The following TNS3 variants were observed in gnomAD, a reference collection of about 807,000 sequenced individuals.
The protein encoded by TNS3 is tensin 3.
In TNS3, 45 loss-of-function variants were observed where a neutral mutation model predicts 140.9. The ratio of observed to expected loss-of-function variants is 0.32; its 90% CI spans 0.25 to 0.41. The LOEUF (loss-of-function observed/expected upper bound fraction) is 0.41, where lower values mean the gene tolerates loss of function less well. Ranked by LOEUF, TNS3 falls within the 10% of genes least tolerant of loss-of-function variation. The probability of loss-of-function intolerance (pLI) is 1.00; values close to 1 mark genes in which losing one functional copy is unlikely to be tolerated. For synonymous variants in TNS3, 815 were observed against 788.4 expected (o/e 1.03, Z -0.56); for missense variants, 1,716 against 1,906.7 (o/e 0.90, Z 1.86).
intron 12 of TNS3, among the ~76,000 whole-genome samples, chr7:47,413,102 C>T (rs528183665): frequency 7.9e-5 from 12 of 151,992 alleles, no homozygotes; most frequent in Admixed American, 2.0e-4. Flanking sequence ...TACAGGCACA[C>T]GCCACCATGC....
intron 20 of TNS3, among the ~76,000 whole-genome samples, chr7:47,322,298 C>T (rs532736042): frequency 4.0e-5 from 6 of 150,490 alleles, no homozygotes; most frequent in African/African-American, 1.5e-4. Context: ...CTGACGCAGG[C>T]GGATCACGAG....
At position 47,275,988 on chromosome 7, in the gene TNS3, C is replaced by A; in HGVS notation, c.*2088G>T. 2.5e-6 allele frequency: 1 copy of A among 396,972 alleles called. No homozygotes were observed. The highest frequency in any genetic ancestry group is 5.0e-6 in the Non-Finnish European group (1 of 198,454). 24.6% of individuals were successfully genotyped at this position (396,972 alleles called of 1,614,324 possible). ...TCATCAGAAGGATAAGGAACCTGGCCTGCACTCTTTGGGTTAAACATGGGT... is the reference window on the plus strand; with the variant it reads ...TCATCAGAAGGATAAGGAACCTGGCATGCACTCTTTGGGTTAAACATGGGT... On this transcript the variant is annotated 3_prime_UTR_variant, in exon 31 of 31. Coordinates refer to ENST00000311160, the MANE Select transcript of TNS3 (RefSeq NM_022748.12).
chr7:47,453,756 C>A (rs1420740167), intron 4 of TNS3, among the ~76,000 whole-genome samples: 1 of 152,180 alleles, frequency 6.6e-6, no homozygotes, highest in African/African-American at 2.4e-5. Flanking sequence ...AGATGGAGGC[C>A]GGATACACGG....
intron 1 of TNS3, among the ~76,000 whole-genome samples, chr7:47,572,890 T>C (rs1034182498): frequency 2.0e-5 from 3 of 151,572 alleles, no homozygotes; most frequent in African/African-American, 7.3e-5. Flanking sequence ...ACATAGCAAC[T>C]CTGTGTGTTG....
chr7:47,437,968 A>G (rs1217263243), intron 6 of TNS3, among the ~76,000 whole-genome samples: 2 of 151,224 alleles, frequency 1.3e-5, no homozygotes, highest in South Asian at 4.2e-4. Context: ...GCCAAAAGCC[A>G]TGGCCTAAGT....
intron 6 of TNS3, 28 bp from the exon 7 acceptor site, chr7:47,437,341 C>A (rs1795233525): frequency 8.3e-7 from 1 of 1,210,430 alleles, no homozygotes; most frequent in Non-Finnish European, 1.1e-6. Flanking sequence ...AATTGCCTTG[C>A]ATAAAATAGA....
intron 15 of TNS3, among the ~76,000 whole-genome samples, chr7:47,399,080 G>GAAAAAAAAAAAA (rs55834937): frequency 1.3e-4 from 12 of 93,588 alleles, no homozygotes; most frequent in Middle Eastern, 5.7e-3. Flanking sequence ...TACGACAGCT[G>GAAAAAAAAAAAA]AAAAAAAAAA....
intron 17 of TNS3, 43 bp downstream of exon 17, chr7:47,368,322 G>A (rs1554302522): frequency 7.0e-7 from 1 of 1,434,954 alleles, no homozygotes; most frequent in African/African-American, 1.4e-5. Context: ...AGCCTCCCGT[G>A]GAGCACCTCC....
chr7:47,414,144 AG>A lies in TNS3; in HGVS notation c.587-148del, dbSNP rs1442994117. 5.1e-6 allele frequency: 4 copies of A among 786,760 alleles called. No individual in the cohort carries two copies. The Admixed American group carries it at 7.0e-5, about 14-fold the overall frequency. The allele number at this position is 786,760 out of a possible 1,614,324, so 48.7% of individuals were successfully genotyped here. A position where few individuals can be genotyped will look rare whatever the true frequency, so the allele number is the denominator to read the frequency against. ...CTGGGAAAGCAGTGCATGGAGCCAC[AG>A]GGTTGCTGCAGGAAAAGGCCGGACC... On this transcript the variant is annotated intron_variant, in intron 11 of 30. Coordinates refer to ENST00000311160, the MANE Select transcript of TNS3 (RefSeq NM_022748.12).
chr7:47,364,277 A>ATTT (rs10566032), intron 17 of TNS3, among the ~76,000 whole-genome samples: 142 of 110,610 alleles, frequency 1.3e-3, no homozygotes, highest in African/African-American at 4.6e-3. Flanking sequence ...GTAAGCAATA[A>ATTT]TTTTTTTTTT....
intron 13 of TNS3, among the ~76,000 whole-genome samples, chr7:47,401,137 A>G (rs1173564198): frequency 6.6e-6 from 1 of 152,174 alleles, no homozygotes; most frequent in East Asian, 1.9e-4. Context: ...GCGGGGCTCC[A>G]CTGGAGGCTT....
intron 1 of TNS3, among the ~76,000 whole-genome samples, chr7:47,566,459 T>A (rs1250377974): frequency 1.3e-5 from 2 of 152,242 alleles, no homozygotes; most frequent in Non-Finnish European, 2.9e-5. Flanking sequence ...AAATACGATT[T>A]TCTCCCCCTC....
In TNS3 at chr7:47,437,314, C is replaced by CTA; in HGVS notation, c.151-3_151-2dup. On this transcript the variant is annotated splice_acceptor_variant, in intron 6 of 30. Coordinates refer to ENST00000311160, the MANE Select transcript of TNS3 (RefSeq NM_022748.12). LOFTEE classifies it high-confidence loss of function. ...ATCTCTTTTCTGAAAGGTTTAATACCTATAAAAGAGAGGAAAAATTGCCTT... is the reference window on the plus strand; with the variant it reads ...ATCTCTTTTCTGAAAGGTTTAATACCTATATAAAAGAGAGGAAAAATTGCCTT... 7.2e-7 allele frequency: 1 copy of CTA among 1,386,252 alleles called. No individual in the cohort carries two copies. The highest frequency in any genetic ancestry group is 9.4e-7 in the Non-Finnish European group (1 of 1,061,078). The allele number at this position is 1,386,252 out of a possible 1,614,324, so 85.9% of individuals were successfully genotyped here.
At chr7:47,451,476 G>A (rs577546800) in intron 4 of TNS3, among the ~76,000 whole-genome samples, 1 of 152,274 alleles carries the variant, frequency 6.6e-6, no homozygotes, top group Admixed American at 6.5e-5. Context: ...AGGTACTCCA[G>A]AGGCTAAGGC....
chr7:47,465,478 A>G (rs1473113370), intron 4 of TNS3, among the ~76,000 whole-genome samples: 1 of 152,180 alleles, frequency 6.6e-6, no homozygotes, highest in Non-Finnish European at 1.5e-5. Context: ...AGACACGCGG[A>G]TCAGAAGCCC....
intron 20 of TNS3, among the ~76,000 whole-genome samples, chr7:47,310,481 A>C (rs1032604616): frequency 6.6e-6 from 1 of 152,128 alleles, no homozygotes. Flanking sequence ...TCTAAAGAAC[A>C]TGCCTCCCCC....
At chr7:47,545,409 G>A (rs1400412451) in intron 1 of TNS3, among the ~76,000 whole-genome samples, 3 of 152,086 alleles carry the variant, frequency 2.0e-5, no homozygotes, top group African/African-American at 4.8e-5. Context: ...CACTGGTCAC[G>A]AAAGGGGAGG....
chr7:47,291,329 A>T (rs530755628), intron 27 of TNS3, among the ~76,000 whole-genome samples: 2 of 152,250 alleles, frequency 1.3e-5, no homozygotes, highest in East Asian at 3.9e-4. Flanking sequence ...AAGTCCCTAA[A>T]CTAGGGACTC....
chr7:47,340,576 C>CTTTTTTTTCTT (rs1788945419), intron 20 of TNS3, among the ~76,000 whole-genome samples: 2 of 130,224 alleles, frequency 1.5e-5, no homozygotes, highest in African/African-American at 5.8e-5. Context: ...CTGGGATTTT[C>CTTTTTTTTCTT]TTTTTTTTCT....
Sources: gnomAD v4.1 joint callset for allele counts (sites outside exome capture counted in the v4.1 genomes callset) on GRCh38, gnomAD v4.1.1 for gene constraint, MANE v1.5 for transcripts, NCBI Gene and HGNC (gene_info 2026-07-23, HGNC 2026-07-21) for gene names.